Variants in COL4A4 observed in about 807,000 individuals in gnomAD.
The protein encoded by COL4A4 is collagen alpha-4(IV) chain.
A neutral mutation model predicts 192.9 loss-of-function variants in COL4A4; 105 were observed. The ratio of observed to expected loss-of-function variants is 0.54; its 90% CI spans 0.46 to 0.64. The LOEUF (loss-of-function observed/expected upper bound fraction) is 0.64, where lower values mean the gene tolerates loss of function less well. Among genes scored for constraint, COL4A4 ranks in the 30% least tolerant of loss-of-function variants. The probability of loss-of-function intolerance (pLI) is 0.00; values close to 1 mark genes in which losing one functional copy is unlikely to be tolerated. For synonymous variants in COL4A4, 762 were observed against 769.9 expected, an observed-to-expected ratio of 0.99 and a Z score of 0.17; for missense variants, 1,967 against 2,169.3, an observed-to-expected ratio of 0.91 and a Z score of 1.85.
At chr2:226,990,290 A>G in the COL4A4 span, among the ~76,000 whole-genome samples, 1 of 152,200 alleles carries the variant, frequency 6.6e-6, no homozygotes, top group African/African-American at 2.4e-5. Context: ...TGGAATGCTA[A>G]TAAAGTAACA....
At position 227,057,618 on chromosome 2, in the gene COL4A4, A is replaced by G. The variant is rs767160745; in HGVS notation, c.2384-18T>C. The G allele has an allele frequency of 6.2e-7, 1 of 1,613,596 alleles. No homozygotes were observed. Among genetic ancestry groups the G allele is most frequent in the East Asian group, 2.2e-5 (1 of 44,874 alleles). On this transcript the variant is annotated intron_variant, in intron 28 of 47. Transcript: ENST00000396625. ...AGCTGGCCCTGAAATGATACAATACATCCATGACATTCATGACAAAAAACT... is the reference window on the plus strand; with the variant it reads ...AGCTGGCCCTGAAATGATACAATACGTCCATGACATTCATGACAAAAAACT...
At chr2:227,144,674 T>C in intron 2 of COL4A4, 116 bp from the exon 3 acceptor site, 1 of 795,726 alleles carries the variant, frequency 1.3e-6, no homozygotes. Context: ...ATGAGGCTGC[T>C]CCTACTAGCC....
At chr2:227,068,234 C>G (rs2058473908) in intron 25 of COL4A4, among the ~76,000 whole-genome samples, 1 of 151,908 alleles carries the variant, frequency 6.6e-6, no homozygotes. Flanking sequence ...CAATAGCTTA[C>G]CAACTAAAAA....
intron 4 of COL4A4, among the ~76,000 whole-genome samples, chr2:227,124,896 T>C (rs943433932): frequency 1.3e-5 from 2 of 152,278 alleles, no homozygotes; most frequent in African/African-American, 4.8e-5. Flanking sequence ...ATGCAGTTTA[T>C]ACATAAACTT....
rs2272202 is a variant in COL4A4 at position 227,049,909 on chromosome 2, T to C, written c.3214+159A>G. ...TTGGATCTGAGTGACAACTGTAGAA[T>C]ATTTGGATCTTGAGTGTTTGACTGT... On this transcript the variant is annotated intron_variant, in intron 34 of 47. Transcript: ENST00000396625. Among the ~76,000 whole-genome samples, 78,945 of 152,122 alleles carry C rather than the reference T, an allele frequency of 0.52. 20,686 individuals carry two copies. Among genetic ancestry groups the C allele is most frequent in the South Asian group, 0.63 (3,037 of 4,826 alleles).
the COL4A4 span, among the ~76,000 whole-genome samples, chr2:226,968,646 T>C: frequency 6.6e-6 from 1 of 152,194 alleles, no homozygotes; most frequent in African/African-American, 2.4e-5. Context: ...ATTGAATGTT[T>C]GCGCACTCTC....
In COL4A4 at chr2:227,128,745, A is replaced by G. The variant is rs577737146; in HGVS notation, c.193-7597T>C. Among the ~76,000 whole-genome samples, 6 of 152,142 alleles carry G rather than the reference A, an allele frequency of 3.9e-5. No individual in the cohort carries two copies. In the South Asian group the frequency reaches 1.2e-3, roughly 32 times the overall value. ...CAAGCACCTGGCCCATGGTCTTGTC[A>G]ACTCTCGCACGGGTTCCACAAGCAC... On this transcript the variant is annotated intron_variant, in intron 4 of 47. Coordinates refer to ENST00000396625, the MANE Select transcript of COL4A4 (RefSeq NM_000092.5).
At chr2:227,162,352 A>G (rs751155473) in intron 1 of COL4A4, among the ~76,000 whole-genome samples, 6 of 152,250 alleles carry the variant, frequency 3.9e-5, no homozygotes, top group Non-Finnish European at 8.8e-5. Context: ...GAATTTGGCA[A>G]AGAGAAGCAT....
chr2:227,061,896 A>G (rs1977155041), intron 26 of COL4A4, among the ~76,000 whole-genome samples: 1 of 152,186 alleles, frequency 6.6e-6, no homozygotes, highest in Non-Finnish European at 1.5e-5. Flanking sequence ...TCAATAAACA[A>G]GTGATCATGA....
At chr2:227,126,946 CA>C (rs1303574380) in intron 4 of COL4A4, among the ~76,000 whole-genome samples, 1 of 152,160 alleles carries the variant, frequency 6.6e-6, no homozygotes, top group African/African-American at 2.4e-5. Context: ...ACATAAGTAG[CA>C]GGCCCATAAA....
intron 12 of COL4A4, among the ~76,000 whole-genome samples, chr2:227,106,983 C>T (rs2060883476): frequency 6.6e-6 from 1 of 152,186 alleles, no homozygotes; most frequent in African/African-American, 2.4e-5. Flanking sequence ...ATTCCACAGC[C>T]TGAGTTTGCA....
chr2:227,052,223 T>C (rs1417885451), intron 32 of COL4A4, 82 bp downstream of exon 32: 7 of 849,472 alleles, frequency 8.2e-6, no homozygotes, highest in East Asian at 7.4e-5. Context: ...AATCTCAGTG[T>C]TATTGGGGAA....
chr2:227,108,537 ACACAC>A (rs1162215121), intron 12 of COL4A4, 39 bp downstream of exon 12: 1 of 1,591,080 alleles, frequency 6.3e-7, no homozygotes, highest in Admixed American at 1.7e-5. Flanking sequence ...TGAGCAGCAC[ACACAC>A]GTCACCATCT....
chr2:227,026,093 C>T (rs991453129), intron 42 of COL4A4, among the ~76,000 whole-genome samples: 102 of 151,972 alleles, frequency 6.7e-4, no homozygotes, highest in African/African-American at 2.3e-3. Flanking sequence ...TTTCTTCTGG[C>T]AAATATCCTC....
At chr2:227,037,438 A>G (rs1275401391) in intron 37 of COL4A4, among the ~76,000 whole-genome samples, 2 of 152,260 alleles carry the variant, frequency 1.3e-5, no homozygotes, top group African/African-American at 4.8e-5. Flanking sequence ...ATGGCTGCAT[A>G]GTATTCCATG....
chr2:227,012,176 T>G lies in COL4A4; in HGVS notation c.4333+5A>C. ...CAGAGAAAAGAGGAGTGACTGAAAC[T>G]CTACCTGGTCCTCCAGGGTAGCCGT... On this transcript the variant is annotated splice_donor_5th_base_variant and intron_variant, in intron 45 of 47. Coordinates refer to ENST00000396625, the MANE Select transcript of COL4A4 (RefSeq NM_000092.5). 6.2e-7 allele frequency: 1 copy of G among 1,605,540 alleles called. No individual in the cohort carries two copies. Among genetic ancestry groups the G allele is most frequent in the South Asian group, 1.1e-5 (1 of 90,922 alleles).
At chr2:227,066,788 C>T (rs1053505941) in intron 25 of COL4A4, among the ~76,000 whole-genome samples, 1 of 151,780 alleles carries the variant, frequency 6.6e-6, no homozygotes. Context: ...ACCATCGAGA[C>T]TAGGAAGAAA....
rs375805313 is a variant in COL4A4, at chr2:227,012,058, C to T, written c.4333+123G>A. 1,490 of 779,920 alleles carry T rather than the reference C, an allele frequency of 1.9e-3. 28 individuals carry two copies. The highest frequency in any genetic ancestry group is 0.017 in the South Asian group (1,186 of 70,472). The allele number at this position is 779,920 out of a possible 1,614,324, so 48.3% of individuals were successfully genotyped here. On this transcript the variant is annotated intron_variant, in intron 45 of 47. Transcript: ENST00000396625. The stretch of plus-strand genomic sequence containing the variant: ...TTTCTGTCTCTGATACCTGGTGAGT[C>T]AGCATCTAAGGCAAATGATCTGAAT...
chr2:227,060,115 A>AC (rs1553644216), intron 27 of COL4A4, 21 bp downstream of exon 27: 782 of 1,305,710 alleles, frequency 6.0e-4, no homozygotes, highest in Middle Eastern at 2.2e-3. Flanking sequence ...AAAAAAAAAA[A>AC]AAAAAAAAAA....
Sources: gnomAD v4.1 joint callset for allele counts (sites outside exome capture counted in the v4.1 genomes callset) on GRCh38, gnomAD v4.1.1 for gene constraint, MANE v1.5 for transcripts, NCBI Gene and HGNC (gene_info 2026-07-23, HGNC 2026-07-21) for gene names.